MACROD2: variants seen among roughly 807,000 people sequenced by gnomAD.
MACROD2 encodes the protein mono-ADP ribosylhydrolase 2.
MACROD2 carries 36 observed loss-of-function variants against 70.4 expected under a neutral mutation model. The ratio of observed to expected loss-of-function variants is 0.51; its 90% CI spans 0.39 to 0.68. The LOEUF (loss-of-function observed/expected upper bound fraction) is 0.68. MACROD2 is among the 30% of genes least tolerant of loss of function. The pLI, the probability that MACROD2 is intolerant of heterozygous loss-of-function variation, is 0.00. For synonymous variants in MACROD2, 172 were observed against 178.8 expected (o/e 0.96, Z 0.30); for missense variants, 496 against 538.4 (o/e 0.92, Z 0.78).
intron 8 of MACROD2, among the ~76,000 whole-genome samples, chr20:15,688,587 G>T (rs1216210877): frequency 1.3e-5 from 2 of 152,320 alleles, no homozygotes; most frequent in Non-Finnish European, 2.9e-5. Context: ...GAATGCCATA[G>T]ATTTGTGATT....
intron 5 of MACROD2, among the ~76,000 whole-genome samples, chr20:14,767,695 G>C (rs1216627436): frequency 6.6e-6 from 1 of 151,262 alleles, no homozygotes; most frequent in African/African-American, 2.4e-5. Context: ...GAACCTGCAG[G>C]TTTGTCACAT....
At chr20:14,266,273 T>C (rs2082143625) in intron 3 of MACROD2, among the ~76,000 whole-genome samples, 1 of 152,142 alleles carries the variant, frequency 6.6e-6, no homozygotes, top group Non-Finnish European at 1.5e-5. Context: ...ATATATAAAA[T>C]GAGGGGTTAA....
At chr20:15,100,586 T>G (rs138072866) in intron 5 of MACROD2, among the ~76,000 whole-genome samples, 32 of 152,200 alleles carry the variant, frequency 2.1e-4, no homozygotes, top group Non-Finnish European at 1.2e-4. Flanking sequence ...GCTAAAATTC[T>G]TCATCTAACA....
chr20:14,045,487 C>T (rs1186873739), intron 2 of MACROD2, among the ~76,000 whole-genome samples: 1 of 152,202 alleles, frequency 6.6e-6, no homozygotes, highest in Non-Finnish European at 1.5e-5. Context: ...AAACTGCAGA[C>T]AGAAAATTAT....
chr20:14,863,630 A>G (rs1425405988), intron 5 of MACROD2, among the ~76,000 whole-genome samples: 1 of 152,110 alleles, frequency 6.6e-6, no homozygotes, highest in African/African-American at 2.4e-5. Context: ...GAAAAAAGAC[A>G]TATCTGGCTT....
rs145289978 is a variant in MACROD2 at position 15,073,609 on chromosome 20, C to A, written c.419-156331C>A. Among the ~76,000 whole-genome samples the A allele has an allele frequency of 9.9e-5, 15 of 152,090 alleles. No homozygotes were observed. In the East Asian group the frequency reaches 2.9e-3, roughly 29 times the overall value. ...GAAAAAACAAAGAATCATAATTCTC[C>A]TTATGTGTAATCAATAGTAACACTC... On this transcript the variant is annotated intron_variant, in intron 5 of 17. Coordinates refer to ENST00000684519, the MANE Select transcript of MACROD2 (RefSeq NM_001351661.2).
At chr20:15,522,097 A>G (rs1336999972) in intron 8 of MACROD2, among the ~76,000 whole-genome samples, 1 of 152,210 alleles carries the variant, frequency 6.6e-6, no homozygotes, top group Non-Finnish European at 1.5e-5. Context: ...TAATATTCAT[A>G]TGCAGGGTCA....
chr20:15,634,541 A>G (rs890543440), intron 8 of MACROD2, among the ~76,000 whole-genome samples: 1 of 152,218 alleles, frequency 6.6e-6, no homozygotes, highest in African/African-American at 2.4e-5. Flanking sequence ...CAAACAAAGA[A>G]AATGTCTGTA....
intron 15 of MACROD2, among the ~76,000 whole-genome samples, chr20:16,024,696 C>G (rs1184715138): frequency 6.6e-6 from 1 of 152,172 alleles, no homozygotes; most frequent in Non-Finnish European, 1.5e-5. Flanking sequence ...TACGACAGAA[C>G]CAGGAAGCTG....
intron 12 of MACROD2, among the ~76,000 whole-genome samples, chr20:15,962,572 G>A (rs1055938448): frequency 6.6e-6 from 1 of 152,158 alleles, no homozygotes. Flanking sequence ...CAAATTAATT[G>A]TGCATTATGG....
intron 3 of MACROD2, among the ~76,000 whole-genome samples, chr20:14,109,231 CA>C (rs1475448991): frequency 6.6e-6 from 1 of 151,742 alleles, no homozygotes; most frequent in East Asian, 1.9e-4. Context: ...GTAACGGAGA[CA>C]AAATGTACCA....
At chr20:14,660,410 G>T (rs945614241) in intron 4 of MACROD2, among the ~76,000 whole-genome samples, 1 of 152,150 alleles carries the variant, frequency 6.6e-6, no homozygotes, top group Non-Finnish European at 1.5e-5. Flanking sequence ...AAGTGTTTCA[G>T]TAAATATTTT....
chr20:15,342,876 G>A (rs2078125648), intron 6 of MACROD2, among the ~76,000 whole-genome samples: 1 of 152,122 alleles, frequency 6.6e-6, no homozygotes, highest in Admixed American at 6.6e-5. Flanking sequence ...AGCAGAGGGC[G>A]CTTTGCTTTA....
At position 14,833,130 on chromosome 20, in the gene MACROD2, A is replaced by C. The variant is rs1266110396; in HGVS notation, c.418+148171A>C. ...GTTAATTTTAGTTAACGTAAGTGTAAATAGCCATATATAGCTAGTCACTGC... is the reference window on the plus strand; with the variant it reads ...GTTAATTTTAGTTAACGTAAGTGTACATAGCCATATATAGCTAGTCACTGC... On this transcript the variant is annotated intron_variant, in intron 5 of 17. Transcript: ENST00000684519. Among the ~76,000 whole-genome samples, 8 of 152,166 alleles carry C rather than the reference A, an allele frequency of 5.3e-5. No homozygotes were observed. In the East Asian group the frequency reaches 1.5e-3, roughly 29 times the overall value.
intron 5 of MACROD2, among the ~76,000 whole-genome samples, chr20:14,846,431 G>A (rs1287275984): frequency 6.6e-6 from 1 of 151,194 alleles, no homozygotes; most frequent in African/African-American, 2.4e-5. Flanking sequence ...CACCATGTTG[G>A]TCAGGCTGGA....
At chr20:15,294,710 G>A (rs2146113708) in intron 6 of MACROD2, among the ~76,000 whole-genome samples, 1 of 152,334 alleles carries the variant, frequency 6.6e-6, no homozygotes. Flanking sequence ...AGGAGCTGCA[G>A]CTATGTGCCC....
chr20:14,663,149 G>A (rs1175980320), intron 4 of MACROD2, among the ~76,000 whole-genome samples: 1 of 152,078 alleles, frequency 6.6e-6, no homozygotes, highest in Non-Finnish European at 1.5e-5. Flanking sequence ...ATACTATGCA[G>A]CCATAAAAAG....
rs2064129997 is a variant in MACROD2, at chr20:15,837,746, T to G, written c.646-24999T>G. On this transcript the variant is annotated intron_variant, in intron 8 of 17. Coordinates refer to ENST00000684519, the MANE Select transcript of MACROD2 (RefSeq NM_001351661.2). ...TGCTTCTGACCACAGACACCTTAGG[T>G]TCCTCTTGGTTACAAAAGCTGTGGT... Among the ~76,000 whole-genome samples, 4 of 152,120 alleles carry G rather than the reference T, an allele frequency of 2.6e-5. No individual in the cohort carries two copies. The South Asian group carries it at 8.3e-4, about 32-fold the overall frequency.
At chr20:15,862,973 G>T (rs1453985334) in intron 9 of MACROD2, 147 bp downstream of exon 9, 3 of 609,560 alleles carry the variant, frequency 4.9e-6, no homozygotes, top group African/African-American at 3.8e-5. Context: ...ACTGAACAAG[G>T]TAACAGAAAA....
Sources: gnomAD v4.1 joint callset for allele counts (sites outside exome capture counted in the v4.1 genomes callset) on GRCh38, gnomAD v4.1.1 for gene constraint, MANE v1.5 for transcripts, NCBI Gene and HGNC (gene_info 2026-07-23, HGNC 2026-07-21) for gene names.